Variants in MYH7 observed in about 807,000 individuals in gnomAD.
The protein encoded by MYH7 is myosin heavy chain 7, also known as myosin-7.
In MYH7, 129 loss-of-function variants were observed where a neutral mutation model predicts 225.4. The ratio of observed to expected loss-of-function variants is 0.57; its 90% CI spans 0.50 to 0.66. The LOEUF is 0.66. MYH7 is among the 30% of genes least tolerant of loss of function. MYH7 has a pLI of 0.00. For synonymous variants in MYH7, 971 were observed against 1,007.6 expected (o/e 0.96, Z 0.69); for missense variants, 1,649 against 2,517.0 (o/e 0.66, Z 7.38).
In MYH7 at chr14:23,418,360, C is replaced by T; in HGVS notation, c.4019G>A (p.Cys1340Tyr). 2 of 1,613,782 alleles carry T rather than the reference C, an allele frequency of 1.2e-6. No homozygotes were observed. Among genetic ancestry groups the T allele is most frequent in the East Asian group, 2.2e-5 (1 of 44,874 alleles). ...CTCGTACTGCTCCCGCAGCAGGTCG[C>T]AGTCATGCCGGGCCGACTGCAGTGC... ...AHALQSARHD[C>Y]DLLREQYEEE... The change falls in exon 30 of 40, where the codon TGC becomes TAC. Residue 1340 changes from cysteine to tyrosine, a missense_variant. Cys to Tyr is a radical substitution (Grantham distance 194). Transcript: ENST00000355349.
In MYH7 at chr14:23,428,466, A is replaced by G. The variant is rs1892786219; in HGVS notation, c.1578+34T>C. On this transcript the variant is annotated intron_variant, in intron 15 of 39. Coordinates refer to ENST00000355349, the MANE Select transcript of MYH7 (RefSeq NM_000257.4). The stretch of plus-strand genomic sequence containing the variant: ...TCTATGGTGTTCTTGTTGGGTGTGC[A>G]GGGAGAATTCAGGTGGTAAGGCCAA... 2.5e-6 allele frequency: 4 copies of G among 1,614,066 alleles called. No individual in the cohort carries two copies. In the East Asian group the frequency reaches 6.7e-5, roughly 27 times the overall value.
At chr14:23,427,169 C>T (rs1420143210) in intron 17 of MYH7, 71 bp downstream of exon 17, 2 of 1,257,390 alleles carry the variant, frequency 1.6e-6, no homozygotes, top group African/African-American at 3.9e-5. Context: ...ATGAACAAGG[C>T]AGGGAAGGGT....
In MYH7 at chr14:23,417,617, C is replaced by G. The variant is rs3729821; in HGVS notation, c.4239G>C (p.Ser1413=). Residue 1413 remains serine (S), a synonymous_variant, in exon 31 of 40, where the codon TCG becomes TCC. Transcript: ENST00000355349. ...GTAGCCGGTGCTTGGTCTTCTCCAG[C>G]GAGGAGCACTTGGCATTAACAGCCT... The part of the protein sequence containing the change: ...AVEAVNAKCS[S]LEKTKHRLQN... 6.2e-7 allele frequency: 1 copy of G among 1,612,902 alleles called. No individual in the cohort carries two copies. The highest frequency in any genetic ancestry group is 1.7e-5 in the Admixed American group (1 of 60,028).
rs543139794 is a variant in MYH7, at chr14:23,416,991, C to G, written c.4521G>C (p.Glu1507Asp). 2 of 1,614,108 alleles carry G rather than the reference C, an allele frequency of 1.2e-6. No individual in the cohort carries two copies. Among genetic ancestry groups the G allele is most frequent in the African/African-American group, 2.7e-5 (2 of 74,932 alleles). Reference sequence around the variant, plus strand: ...ACTGCTCAGTCAAGTCGGAGATCTCCTCTGTGTGGGGAACACGGTAACTCG... The same window carrying G: ...ACTGCTCAGTCAAGTCGGAGATCTCGTCTGTGTGGGGAACACGGTAACTCG... ...TFKRENKNLQ[E>D]EISDLTEQLG... The change falls in exon 33 of 40, where the codon GAG (glutamate) becomes GAC (aspartate). Residue 1507 changes from glutamate to aspartate, a missense_variant and splice_region_variant. Physicochemically the swap from Glu to Asp is conservative, Grantham distance 45. Around this residue, in one of 12 missense-constraint regions of MYH7, gnomAD observed 687 missense variants for 913.8 expected, o/e 0.75. Transcript: ENST00000355349.
intron 25 of MYH7, chr14:23,421,631 G>A (rs1892476575): frequency 4.1e-6 from 2 of 484,460 alleles, no homozygotes; most frequent in East Asian, 3.0e-4. Context: ...AACACCATAA[G>A]ACCTTCAATT....
intron 33 of MYH7, among the ~76,000 whole-genome samples, chr14:23,416,603 G>A (rs1032407230): frequency 6.6e-6 from 1 of 152,178 alleles, no homozygotes; most frequent in Non-Finnish European, 1.5e-5. Flanking sequence ...AGAAAACAGA[G>A]GGAGGCAGAG....
chr14:23,431,923 G>A (rs1892963319), intron 6 of MYH7, 54 bp from the exon 7 acceptor site: 3 of 1,573,190 alleles, frequency 1.9e-6, no homozygotes, highest in Admixed American at 1.7e-5. Flanking sequence ...AGACCAGCAA[G>A]CCTCAAATCA....
In MYH7 at chr14:23,419,895, G is replaced by A. The variant is rs876661211; in HGVS notation, c.3676C>T (p.Leu1226=). The part of the protein sequence containing the change: ...KLEKEKSEFK[L]ELDDVTSNME... ...TTGGAGGTGACGTCATCCAGCTCCA[G>A]CTTGAACTCGCTCTTCTCCTTCTCC... is the stretch of plus-strand genomic sequence containing the variant. Residue 1226 remains leucine, a synonymous_variant, in exon 27 of 40, where the codon CTG becomes TTG. Transcript: ENST00000355349. The A allele has an allele frequency of 6.2e-7, 1 of 1,613,342 alleles. No individual in the cohort carries two copies. The highest frequency in any genetic ancestry group is 1.1e-5 in the South Asian group (1 of 91,036).
At chr14:23,417,474 G>A in intron 31 of MYH7, 29 bp downstream of exon 31, 1 of 1,612,244 alleles carries the variant, frequency 6.2e-7, no homozygotes. Context: ...TGCCCTGCAT[G>A]CTGGCTGCGG....
In MYH7 at chr14:23,415,101, C is replaced by T. The variant is rs730880819; in HGVS notation, c.5453G>A (p.Arg1818Gln). Residue 1818 changes from arginine (R) to glutamine (Q), a missense_variant, in exon 37 of 40, where the codon CGG (arginine) becomes CAG (glutamine). This residue lies in a region of MYH7 where 687 missense variants were observed against 913.8 expected (regional missense o/e 0.75). Transcript: ENST00000355349. The surrounding 1 kb of genome is among the most constrained non-coding windows in gnomAD (Gnocchi z 6.3). ...GKKQLQKLEA[R>Q]VRELENELEA... The stretch of plus-strand genomic sequence containing the variant: ...CAGCTCATTCTCCAGCTCCCGCACC[C>T]GCGCTTCCAGCTTCTGCAGCTGCTT... The T allele has an allele frequency of 3.7e-6, 6 of 1,613,970 alleles. No individual in the cohort carries two copies. The highest frequency in any genetic ancestry group is 2.2e-5 in the East Asian group (1 of 44,890).
chr14:23,423,761 G>T, intron 23 of MYH7, 38 bp from the exon 24 acceptor site: 1 of 1,613,790 alleles, frequency 6.2e-7, no homozygotes, highest in African/African-American at 1.3e-5. Context: ...AGGGTCAAAG[G>T]TCACCAGCTT....
rs934656789 is a variant in MYH7, at chr14:23,430,983, G to A, written c.813C>T (p.Ser271=). ...CTGCTTTCAGCTGGAAAATAACTCT[G>A]GATTTTTCCAGAAGATCTGTGAACA... is the stretch of plus-strand genomic sequence containing the variant. The part of the protein sequence containing the change: ...ADIETYLLEK[S]RVIFQLKAER... The change falls in exon 10 of 40, where the codon TCC becomes TCT. Residue 271 remains serine (S), a synonymous_variant. Coordinates refer to ENST00000355349, the MANE Select transcript of MYH7 (RefSeq NM_000257.4). 1 of 1,613,284 alleles carries A rather than the reference G, an allele frequency of 6.2e-7. No individual in the cohort carries two copies. Among genetic ancestry groups the A allele is most frequent in the African/African-American group, 1.3e-5 (1 of 75,002 alleles).
chr14:23,422,831 A>G (rs1781976421), intron 24 of MYH7, among the ~76,000 whole-genome samples: 2 of 151,926 alleles, frequency 1.3e-5, no homozygotes, highest in Admixed American at 1.3e-4. Flanking sequence ...GGGTTTCACC[A>G]TATTGGCCAG....
In MYH7 at chr14:23,425,495, G is replaced by A; in HGVS notation, c.2287-77C>T. 1 of 1,608,692 alleles carries A rather than the reference G, an allele frequency of 6.2e-7. No individual in the cohort carries two copies. Among genetic ancestry groups the A allele is most frequent in the Non-Finnish European group, 8.5e-7 (1 of 1,177,668 alleles). On this transcript the variant is annotated intron_variant, in intron 20 of 39. Coordinates refer to ENST00000355349, the MANE Select transcript of MYH7 (RefSeq NM_000257.4). This position sits in a 1 kb window ranked among gnomAD's most constrained non-coding sequence, Gnocchi z 4.6. Reference sequence around the variant, plus strand: ...AGATGGTGGGGATTACCTTAGGAAGGGTAACAGCCTAGAAAAGGATTGCAG... The same window carrying A: ...AGATGGTGGGGATTACCTTAGGAAGAGTAACAGCCTAGAAAAGGATTGCAG...
At chr14:23,426,916 G>A in intron 17 of MYH7, 52 bp from the exon 18 acceptor site, 4 of 1,470,960 alleles carry the variant, frequency 2.7e-6, no homozygotes, top group Non-Finnish European at 3.8e-6. Context: ...AGAAAGAGAT[G>A]CAGGAAGAAG....
chr14:23,418,500 C>T (rs931819962), intron 29 of MYH7, 94 bp from the exon 30 acceptor site: 7 of 1,408,258 alleles, frequency 5.0e-6, no homozygotes, highest in African/African-American at 4.3e-5. Flanking sequence ...CAACATCATC[C>T]CTTGGCCTCA....
rs1893051739 is a variant in MYH7 at position 23,433,880 on chromosome 14, T to A, written c.-8-140A>T. ...GAGTTACCAGTGAGTCCCTTCCTCT[T>A]TGAGGTTACCCCTTAACCAGAGGAG... On this transcript the variant is annotated intron_variant, in intron 2 of 39. Coordinates refer to ENST00000355349, the MANE Select transcript of MYH7 (RefSeq NM_000257.4). The surrounding 1 kb of genome is among the most constrained non-coding windows in gnomAD (Gnocchi z 4.1). 3.6e-6 allele frequency: 3 copies of A among 844,376 alleles called. No individual in the cohort carries two copies. In the Admixed American group the frequency reaches 6.6e-5, roughly 18 times the overall value. 52.3% of individuals were successfully genotyped at this position (844,376 alleles called of 1,614,324 possible).
chr14:23,414,149 A>G, intron 37 of MYH7, 47 bp from the exon 38 acceptor site: 1 of 1,557,612 alleles, frequency 6.4e-7, no homozygotes, highest in Non-Finnish European at 8.8e-7. Context: ...ACAGTCATAG[A>G]AGGTAGCATC....
intron 29 of MYH7, 23 bp downstream of exon 29, chr14:23,419,154 G>C (rs779961917): frequency 1.2e-6 from 2 of 1,606,918 alleles, no homozygotes; most frequent in African/African-American, 2.7e-5. Flanking sequence ...GCTTGGGCCA[G>C]GTGGCCCGAG....
Sources: gnomAD v4.1 joint callset for allele counts (sites outside exome capture counted in the v4.1 genomes callset) on GRCh38, gnomAD v4.1.1 for gene constraint, gnomAD v4.1.1 regional missense constraint, Gnocchi (gnomAD v3.1) non-coding constraint, MANE v1.5 for transcripts, NCBI Gene and HGNC (gene_info 2026-07-23, HGNC 2026-07-21) for gene names.